The following CPED1 variants were observed in gnomAD, a reference collection of about 807,000 sequenced individuals.
CPED1 encodes cadherin-like and PC-esterase domain-containing protein 1.
A neutral mutation model predicts 128.2 loss-of-function variants in CPED1; 114 were observed. The observed-to-expected ratio is 0.89, with a 90% CI of 0.76 to 1.04. The LOEUF (loss-of-function observed/expected upper bound fraction) is 1.04. CPED1 is among the 50% of genes least tolerant of loss of function. The probability of loss-of-function intolerance (pLI) is 0.00; values close to 1 mark genes in which losing one functional copy is unlikely to be tolerated. For missense variants in CPED1, 1,211 were observed against 1,207.1 expected (o/e 1.00, Z -0.05); for synonymous variants, 462 against 426.7 (o/e 1.08, Z -1.02).
At chr7:121,258,353 T>A (rs1223051149) in intron 18 of CPED1, among the ~76,000 whole-genome samples, 1 of 152,072 alleles carries the variant, frequency 6.6e-6, no homozygotes, top group Non-Finnish European at 1.5e-5. Flanking sequence ...GAAACAATCA[T>A]TGCAATATAG....
In CPED1 at chr7:121,130,170, T is replaced by C; in HGVS notation, c.1453T>C (p.Phe485Leu). The C allele has an allele frequency of 6.2e-7, 1 of 1,613,070 alleles. No individual in the cohort carries two copies. Among genetic ancestry groups the C allele is most frequent in the East Asian group, 2.2e-5 (1 of 44,834 alleles). The change falls in exon 12 of 23, where the codon TTT (phenylalanine) becomes CTT (leucine). Residue 485 changes from phenylalanine (F) to leucine (L), a missense_variant. By Grantham distance (22) the Phe-to-Leu change is conservative. Coordinates refer to ENST00000310396, the MANE Select transcript of CPED1 (RefSeq NM_024913.5). ...TGGGATTCAGTCACTGATGCATGAA[T>C]TTTATGATGTGGCAAATCCTGTGGG... ...TPGIQSLMHE[F>L]YDVANPVGNP... is the part of the protein sequence containing the mutation.
chr7:120,989,665 C>A lies in CPED1; in HGVS notation c.44C>A (p.Pro15His), dbSNP rs567416903. 6 of 1,613,888 alleles carry A rather than the reference C, an allele frequency of 3.7e-6. No individual in the cohort carries two copies. The African/African-American group carries it at 6.7e-5, about 18-fold the overall frequency. The change falls in exon 2 of 23, where the codon CCC (proline) becomes CAC (histidine). Residue 15 changes from proline (P) to histidine (H), a missense_variant. Physicochemically the swap from Pro to His is moderately conservative, Grantham distance 77. Transcript: ENST00000310396. ...PVFPCRRRFC[P>H]RPFLVGLVVA... ...TTCCCTTGTCGTCGGCGATTTTGCCCCCGACCCTTCTTGGTGGGCTTAGTG... is the reference window on the plus strand; with the variant it reads ...TTCCCTTGTCGTCGGCGATTTTGCCACCGACCCTTCTTGGTGGGCTTAGTG...
chr7:121,049,867 G>A (rs1271346175), intron 4 of CPED1, among the ~76,000 whole-genome samples: 2 of 152,178 alleles, frequency 1.3e-5, no homozygotes, highest in Admixed American at 6.5e-5. Flanking sequence ...TTTTGGTTTT[G>A]TCACATCTGG....
intron 3 of CPED1, among the ~76,000 whole-genome samples, chr7:121,040,299 A>G (rs1793016002): frequency 6.6e-6 from 1 of 152,126 alleles, no homozygotes; most frequent in Non-Finnish European, 1.5e-5. Flanking sequence ...CCCAGTAAAC[A>G]TCTACTAAGT....
chr7:121,108,637 T>G (rs1415563745), intron 7 of CPED1, among the ~76,000 whole-genome samples: 1 of 152,132 alleles, frequency 6.6e-6, no homozygotes, highest in Non-Finnish European at 1.5e-5. Flanking sequence ...TTTCTAGAGC[T>G]CTTTCTCCTC....
chr7:121,049,293 G>T (rs1248295809), intron 4 of CPED1, among the ~76,000 whole-genome samples: 3 of 152,216 alleles, frequency 2.0e-5, no homozygotes, highest in East Asian at 3.8e-4. Context: ...GTAGAAGGAA[G>T]GGCATAGCTA....
intron 22 of CPED1, among the ~76,000 whole-genome samples, chr7:121,282,297 A>C (rs1327505258): frequency 6.6e-6 from 1 of 152,142 alleles, no homozygotes. Flanking sequence ...TACTATTATT[A>C]TTATGCTTCA....
chr7:121,103,007 C>T (rs1794891574), intron 7 of CPED1, among the ~76,000 whole-genome samples: 1 of 152,044 alleles, frequency 6.6e-6, no homozygotes. Flanking sequence ...AAGTATTTTT[C>T]CTCTTTGTAT....
chr7:121,148,364 T>A (rs759380638), intron 16 of CPED1, among the ~76,000 whole-genome samples: 1 of 152,200 alleles, frequency 6.6e-6, no homozygotes, highest in African/African-American at 2.4e-5. Flanking sequence ...TTTTGTTATG[T>A]GCCAGGCATT....
intron 3 of CPED1, among the ~76,000 whole-genome samples, chr7:121,017,686 C>CTA (rs1243564353): frequency 6.6e-6 from 1 of 152,132 alleles, no homozygotes; most frequent in Non-Finnish European, 1.5e-5. Context: ...TTGAATTTAA[C>CTA]TTTAGTTTTC....
At chr7:121,225,991 A>C (rs1356476352) in intron 16 of CPED1, among the ~76,000 whole-genome samples, 1 of 152,088 alleles carries the variant, frequency 6.6e-6, no homozygotes, top group Non-Finnish European at 1.5e-5. Flanking sequence ...CAACTCATTA[A>C]AGTCATTCTC....
chr7:121,268,201 T>G (rs1327543682), intron 21 of CPED1, among the ~76,000 whole-genome samples: 1 of 152,016 alleles, frequency 6.6e-6, no homozygotes, highest in African/African-American at 2.4e-5. Context: ...TTGAATCCCT[T>G]TAATGTTATT....
In CPED1 at chr7:121,217,053, GTTTTTA is replaced by G. The variant is rs556892350; in HGVS notation, c.2056-19635_2056-19630del. Among the ~76,000 whole-genome samples, 867 of 151,874 alleles carry G rather than the reference GTTTTTA, an allele frequency of 5.7e-3. 10 individuals carry two copies. Among genetic ancestry groups the G allele is most frequent in the African/African-American group, 0.017 (687 of 41,438 alleles). ...ATTGAGAGGTTGCACAGTTTTGGTG[GTTTTTA>G]TTTTTATTTTTATTTTTATTTTTAT... On this transcript the variant is annotated intron_variant, in intron 16 of 22. Transcript: ENST00000310396.
chr7:121,236,738 G>A lies in CPED1; in HGVS notation c.2080G>A (p.Glu694Lys), dbSNP rs1584620328. Residue 694 changes from glutamate (E) to lysine (K), a missense_variant, in exon 17 of 23, where the codon GAG (glutamate) becomes AAG (lysine). Glu to Lys is a moderately conservative substitution (Grantham distance 56). Transcript: ENST00000310396. ...VQDCGLLIHP[E>K]ETCGLQPISS... ...GGATTGTGGTTTGCTGATTCATCCA[G>A]AGGAAACCTGTGGGTTACAGCCTAT... 6.2e-7 allele frequency: 1 copy of A among 1,603,670 alleles called. No individual in the cohort carries two copies. The highest frequency in any genetic ancestry group is 1.3e-5 in the African/African-American group (1 of 74,656).
chr7:121,265,827 T>C (rs568921942), intron 18 of CPED1, among the ~76,000 whole-genome samples: 106 of 152,130 alleles, frequency 7.0e-4, no homozygotes, highest in Non-Finnish European at 1.3e-3. Flanking sequence ...CCTCTGTGAA[T>C]TCTCTGTTTG....
intron 16 of CPED1, among the ~76,000 whole-genome samples, chr7:121,205,162 T>C (rs1273485366): frequency 6.6e-6 from 1 of 152,118 alleles, no homozygotes; most frequent in African/African-American, 2.4e-5. Flanking sequence ...GAAGAATTTT[T>C]CTTAAATTTG....
At chr7:121,035,099 C>G (rs996858128) in intron 3 of CPED1, among the ~76,000 whole-genome samples, 1 of 151,676 alleles carries the variant, frequency 6.6e-6, no homozygotes, top group East Asian at 1.9e-4. Flanking sequence ...GTTTCAGGGA[C>G]CAAAAAAAGG....
chr7:120,996,321 T>G (rs1196263124), intron 2 of CPED1, among the ~76,000 whole-genome samples: 1 of 151,568 alleles, frequency 6.6e-6, no homozygotes, highest in Admixed American at 6.6e-5. Context: ...TAGAAATTTT[T>G]AATAGAGGTA....
intron 16 of CPED1, among the ~76,000 whole-genome samples, chr7:121,153,982 A>G (rs1422642706): frequency 6.6e-6 from 1 of 152,242 alleles, no homozygotes; most frequent in Non-Finnish European, 1.5e-5. Context: ...TGTTATAGAA[A>G]GTCAAAATGT....
Sources: allele counts gnomAD v4.1 joint callset (sites outside exome capture counted in the v4.1 genomes callset), GRCh38; gene constraint gnomAD v4.1.1; transcripts MANE v1.5; gene names NCBI Gene and HGNC (gene_info 2026-07-23, HGNC 2026-07-21).